The following ARID5B variants were observed in gnomAD, a reference collection of about 807,000 sequenced individuals.
ARID5B encodes the protein AT-rich interaction domain 5B, also known as AT-rich interactive domain-containing protein 5B.
In ARID5B, 13 loss-of-function variants were observed where a neutral mutation model predicts 97.2. The observed-to-expected ratio is 0.13, with a 90% confidence interval of 0.09 to 0.21. ARID5B has a LOEUF of 0.21. ARID5B is among the 10% of genes least tolerant of loss of function. The probability of loss-of-function intolerance (pLI) is 1.00; values close to 1 mark genes in which losing one functional copy is unlikely to be tolerated. For synonymous variants in ARID5B, 556 were observed against 570.3 expected (o/e 0.97, Z 0.36); for missense variants, 1,210 against 1,465.3 (o/e 0.83, Z 2.84).
At chr10:61,916,349 G>T (rs1310899269) in intron 2 of ARID5B, among the ~76,000 whole-genome samples, 2 of 152,146 alleles carry the variant, frequency 1.3e-5, no homozygotes, top group Non-Finnish European at 1.5e-5. Context: ...GGCAGCTTTC[G>T]CACTATAGTG....
intron 1 of ARID5B, 121 bp downstream of exon 1, chr10:61,901,851 C>A: frequency 1.3e-6 from 1 of 799,604 alleles, no homozygotes; most frequent in Non-Finnish European, 2.1e-6. Context: ...AACTTTTACC[C>A]TCTGCATCCC....
intron 8 of ARID5B, among the ~76,000 whole-genome samples, chr10:62,072,072 G>A (rs1238387371): frequency 1.3e-5 from 2 of 152,216 alleles, no homozygotes; most frequent in African/African-American, 2.4e-5. Context: ...AGAGAAGAGA[G>A]GTTGGTTGTC....
chr10:62,005,804 G>T (rs1839138321), intron 4 of ARID5B, among the ~76,000 whole-genome samples: 1 of 152,206 alleles, frequency 6.6e-6, no homozygotes, highest in South Asian at 2.1e-4. Flanking sequence ...TGTTTTGCTG[G>T]AAATGAAAGG....
intron 3 of ARID5B, among the ~76,000 whole-genome samples, chr10:61,978,487 C>T (rs1838732223): frequency 6.6e-6 from 1 of 152,190 alleles, no homozygotes; most frequent in African/African-American, 2.4e-5. Flanking sequence ...TCTTCCTACC[C>T]ATGAGCATGG....
intron 4 of ARID5B, among the ~76,000 whole-genome samples, chr10:62,010,853 G>A (rs573532223): frequency 1.4e-4 from 22 of 152,304 alleles, no homozygotes; most frequent in Non-Finnish European, 2.5e-4. Context: ...AGAATTCGCC[G>A]TGGCCAATCA....
At chr10:61,998,127 G>A (rs757992605) in intron 3 of ARID5B, among the ~76,000 whole-genome samples, 48 of 152,160 alleles carry the variant, frequency 3.2e-4, no homozygotes, top group Non-Finnish European at 5.0e-4. Flanking sequence ...ATCTCCATCC[G>A]TGGAAAAGCC....
intron 8 of ARID5B, among the ~76,000 whole-genome samples, chr10:62,077,130 A>C (rs1305394782): frequency 2.0e-5 from 3 of 152,178 alleles, no homozygotes; most frequent in Non-Finnish European, 4.4e-5. Flanking sequence ...CAAACACCCT[A>C]CACCCAGAGT....
At chr10:62,056,240 G>A (rs905303979) in intron 5 of ARID5B, among the ~76,000 whole-genome samples, 5 of 152,092 alleles carry the variant, frequency 3.3e-5, no homozygotes, top group Non-Finnish European at 7.4e-5. Flanking sequence ...AGACTTTACC[G>A]CCTTTTATTT....
chr10:62,041,961 TTTA>T (rs1839643165), intron 4 of ARID5B, among the ~76,000 whole-genome samples: 1 of 152,226 alleles, frequency 6.6e-6, no homozygotes, highest in African/African-American at 2.4e-5. Flanking sequence ...AACGAGCAGA[TTTA>T]TTGATTGTAA....
At chr10:62,073,518 C>A (rs1223390774) in intron 8 of ARID5B, among the ~76,000 whole-genome samples, 2 of 152,170 alleles carry the variant, frequency 1.3e-5, no homozygotes, top group Non-Finnish European at 2.9e-5. Flanking sequence ...TCACTGAAGG[C>A]CTGACTCGTA....
At chr10:61,941,769 C>T (rs1350540276) in intron 3 of ARID5B, among the ~76,000 whole-genome samples, 1 of 152,162 alleles carries the variant, frequency 6.6e-6, no homozygotes, top group East Asian at 1.9e-4. Context: ...GCCTGATTGT[C>T]ACCTGCACAT....
rs118127014 is a variant in ARID5B, at chr10:62,051,070, C to T, written c.846+70C>T. ...ATTTTTGCTTTTTCTCTTTATCTCTCTGTGCCTGTGTCTTGGAGGCAGTTT... is the reference window on the plus strand; with the variant it reads ...ATTTTTGCTTTTTCTCTTTATCTCTTTGTGCCTGTGTCTTGGAGGCAGTTT... On this transcript the variant is annotated intron_variant, in intron 5 of 9. Transcript: ENST00000279873. The T allele has an allele frequency of 9.4e-3, 11,951 of 1,274,972 alleles. 60 individuals are homozygous for T. The highest frequency in any genetic ancestry group is 0.012 in the Non-Finnish European group (10,460 of 883,620). 79.0% of individuals were successfully genotyped at this position (1,274,972 alleles called of 1,614,324 possible).
At chr10:61,929,839 T>C (rs147636782) in intron 2 of ARID5B, among the ~76,000 whole-genome samples, 80 of 152,342 alleles carry the variant, frequency 5.3e-4, no homozygotes, top group Non-Finnish European at 9.1e-4. Context: ...CCCAGCAATT[T>C]AGCAGTTTAT....
intron 7 of ARID5B, among the ~76,000 whole-genome samples, chr10:62,061,394 G>T (rs1168968024): frequency 1.3e-5 from 2 of 152,188 alleles, no homozygotes; most frequent in Non-Finnish European, 2.9e-5. Context: ...GAATAAGGTT[G>T]GGCATGGAGA....
chr10:61,929,776 G>C (rs543406715), intron 2 of ARID5B, among the ~76,000 whole-genome samples: 3 of 152,194 alleles, frequency 2.0e-5, no homozygotes, highest in Admixed American at 6.5e-5. Flanking sequence ...ATTTGGTCAC[G>C]TGACTGCACC....
chr10:62,004,812 A>C (rs538716444), intron 4 of ARID5B, among the ~76,000 whole-genome samples: 1 of 152,292 alleles, frequency 6.6e-6, no homozygotes, highest in East Asian at 1.9e-4. Context: ...AAGTGTTGAC[A>C]GCTAAATCCA....
intron 4 of ARID5B, among the ~76,000 whole-genome samples, chr10:62,044,748 T>C (rs1839684613): frequency 6.6e-6 from 1 of 152,218 alleles, no homozygotes; most frequent in East Asian, 1.9e-4. Flanking sequence ...ATGAAACTTT[T>C]GCAGTATTGT....
At chr10:62,075,768 T>G (rs1050674839) in intron 8 of ARID5B, among the ~76,000 whole-genome samples, 1 of 152,228 alleles carries the variant, frequency 6.6e-6, no homozygotes, top group African/African-American at 2.4e-5. Context: ...ATGTGGCATG[T>G]AGTATTTCTC....
chr10:62,069,897 G>A (rs1840040622), intron 8 of ARID5B, 100 bp downstream of exon 8: 1 of 1,212,802 alleles, frequency 8.2e-7, no homozygotes, highest in Non-Finnish European at 1.2e-6. Context: ...GACCTTTTGG[G>A]AAACTGAAAA....
Sources: gnomAD v4.1 joint callset for allele counts (sites outside exome capture counted in the v4.1 genomes callset) on GRCh38, gnomAD v4.1.1 for gene constraint, MANE v1.5 for transcripts, NCBI Gene and HGNC (gene_info 2026-07-23, HGNC 2026-07-21) for gene names.